Variants in USP6NL observed in about 807,000 individuals in gnomAD.
USP6NL encodes the protein USP6 N-terminal like, also known as USP6 N-terminal-like protein.
In USP6NL, 26 loss-of-function variants were observed where a neutral mutation model predicts 61.9. The ratio of observed to expected loss-of-function variants is 0.42; its 90% confidence interval spans 0.31 to 0.58. The LOEUF is 0.58. Among genes scored for constraint, USP6NL ranks in the 20% least tolerant of loss-of-function variants. The pLI, the probability that USP6NL is intolerant of heterozygous loss-of-function variation, is 0.16. For synonymous variants in USP6NL, 432 were observed against 390.1 expected (o/e 1.11, Z -1.27); for missense variants, 1,114 against 1,034.3 (o/e 1.08, Z -1.06).
chr10:11,506,024 C>T (rs1280268845), intron 6 of USP6NL, among the ~76,000 whole-genome samples: 2 of 152,196 alleles, frequency 1.3e-5, no homozygotes, highest in East Asian at 3.8e-4. Context: ...TTCTACTTCC[C>T]TGACAGACAC....
At chr10:11,538,213 T>C (rs1028146584) in intron 2 of USP6NL, among the ~76,000 whole-genome samples, 3 of 152,204 alleles carry the variant, frequency 2.0e-5, no homozygotes, top group Non-Finnish European at 4.4e-5. Flanking sequence ...AAACAAATGC[T>C]GACAAGATTT....
At chr10:11,610,619 A>C (rs1433043600) in intron 1 of USP6NL, among the ~76,000 whole-genome samples, 1 of 148,780 alleles carries the variant, frequency 6.7e-6, no homozygotes, top group Admixed American at 6.7e-5. Flanking sequence ...CGGCGTCCTC[A>C]CTTTTTTTTT....
At chr10:11,529,552 T>G (rs1179146221) in intron 2 of USP6NL, among the ~76,000 whole-genome samples, 1 of 152,222 alleles carries the variant, frequency 6.6e-6, no homozygotes, top group Non-Finnish European at 1.5e-5. Flanking sequence ...CTTTTCCCAG[T>G]TAAACTACAA....
chr10:11,501,566 A>G (rs1834196522), intron 6 of USP6NL, among the ~76,000 whole-genome samples: 1 of 152,316 alleles, frequency 6.6e-6, no homozygotes, highest in East Asian at 1.9e-4. Flanking sequence ...AACTTCTTAC[A>G]CACTTTCTGC....
chr10:11,536,841 A>G (rs1473985556), intron 2 of USP6NL, among the ~76,000 whole-genome samples: 2 of 152,114 alleles, frequency 1.3e-5, no homozygotes, highest in East Asian at 2.0e-4. Context: ...TGCTCCCCCT[A>G]TTAGCATATA....
intron 5 of USP6NL, among the ~76,000 whole-genome samples, chr10:11,512,149 C>A (rs1834746755): frequency 6.6e-6 from 1 of 152,184 alleles, no homozygotes; most frequent in Non-Finnish European, 1.5e-5. Context: ...ATAGACTCAA[C>A]CACAATAAGA....
intron 13 of USP6NL, 35 bp downstream of exon 13, chr10:11,484,936 T>G: frequency 6.8e-7 from 1 of 1,465,618 alleles, no homozygotes; most frequent in African/African-American, 1.4e-5. Flanking sequence ...GCCTCAATTT[T>G]TAATGAAATT....
At chr10:11,586,862 G>A (rs1837985016) in intron 2 of USP6NL, among the ~76,000 whole-genome samples, 2 of 152,126 alleles carry the variant, frequency 1.3e-5, no homozygotes. Context: ...ATTTCTTAAT[G>A]TCAGTCTCGA....
chr10:11,608,500 C>G (rs1476699416), intron 1 of USP6NL, among the ~76,000 whole-genome samples: 1 of 152,196 alleles, frequency 6.6e-6, no homozygotes, highest in Non-Finnish European at 1.5e-5. Context: ...ACAAGCTCTT[C>G]TCTCACCCTC....
rs1414483216 is a variant in USP6NL, at chr10:11,596,418, G to A, written c.4+1213C>T. The stretch of plus-strand genomic sequence containing the variant: ...GGGCGGATCACAAGGTCAGGAGATC[G>A]AGACCATCCTGACTAACACGGTGAA... On this transcript the variant is annotated intron_variant, in intron 2 of 14. Transcript: ENST00000609104. The surrounding 1 kb of genome is among the most constrained non-coding windows in gnomAD (Gnocchi z 4.1). Among the ~76,000 whole-genome samples the A allele has an allele frequency of 4.0e-5, 6 of 151,850 alleles. No homozygotes were observed. Among genetic ancestry groups the A allele is most frequent in the East Asian group, 3.9e-4 (2 of 5,172 alleles).
Position 11,485,929 on chromosome 10 carries a change from AAAC to A in USP6NL, c.665-21_665-19del. The A allele has an allele frequency of 8.7e-6, 13 of 1,498,550 alleles. No individual in the cohort carries two copies. Among genetic ancestry groups the A allele is most frequent in the Non-Finnish European group, 1.2e-5 (13 of 1,110,534 alleles). The allele number at this position is 1,498,550 out of a possible 1,614,324, so 92.8% of individuals were successfully genotyped here. The stretch of plus-strand genomic sequence containing the variant: ...AAAAAAGCCTAGAATACAAACATAA[AAAC>A]AACATTTCATAAACAATACCAACAA... On this transcript the variant is annotated intron_variant, in intron 10 of 14. Transcript: ENST00000609104. The surrounding 1 kb of genome is among the most constrained non-coding windows in gnomAD (Gnocchi z 4.8).
intron 2 of USP6NL, among the ~76,000 whole-genome samples, chr10:11,543,337 C>T (rs528341511): frequency 1.3e-5 from 2 of 152,182 alleles, no homozygotes; most frequent in East Asian, 1.9e-4. Context: ...GTCAGGAGAT[C>T]GAGGTCATCC....
In USP6NL at chr10:11,499,603, A is replaced by G. The variant is rs903647564; in HGVS notation, c.384+1498T>C. Among the ~76,000 whole-genome samples the G allele has an allele frequency of 2.0e-5, 3 of 152,178 alleles. No individual in the cohort carries two copies. The highest frequency in any genetic ancestry group is 2.0e-4 in the Admixed American group (3 of 15,280). On this transcript the variant is annotated intron_variant, in intron 7 of 14. Coordinates refer to ENST00000609104, the MANE Select transcript of USP6NL (RefSeq NM_014688.5). This position sits in a 1 kb window ranked among gnomAD's most constrained non-coding sequence, Gnocchi z 4.5. The stretch of plus-strand genomic sequence containing the variant: ...ATAACTATTGTCCCTATCAGGAAAG[A>G]CAGACACACATTCACAGGAGGGAGG...
intron 14 of USP6NL, among the ~76,000 whole-genome samples, chr10:11,473,466 C>A (rs1025767882): frequency 2.0e-5 from 3 of 152,182 alleles, no homozygotes; most frequent in African/African-American, 2.4e-5. Context: ...AGGCTTCAGG[C>A]GATGCTTAAA....
Position 11,600,077 on chromosome 10 carries a change from C to A in USP6NL, c.-83-2360G>T, listed in dbSNP as rs1838468900. On this transcript the variant is annotated intron_variant, in intron 1 of 14. Transcript: ENST00000609104. The surrounding 1 kb of genome is among the most constrained non-coding windows in gnomAD (Gnocchi z 4.1). ...TCTCCTCCCCTAAATGCTACTTTTG[C>A]ACTAAACATACAGAGGTGAAAGAAG... 6.6e-6 allele frequency among the ~76,000 whole-genome samples: 1 copy of A among 152,120 alleles called. No homozygotes were observed. The highest frequency in any genetic ancestry group is 2.4e-5 in the African/African-American group (1 of 41,422).
chr10:11,572,875 T>C (rs1283319296), intron 2 of USP6NL, among the ~76,000 whole-genome samples: 1 of 152,136 alleles, frequency 6.6e-6, no homozygotes, highest in Non-Finnish European at 1.5e-5. Context: ...ATTATCATTT[T>C]AGAATTGTAC....
At position 11,506,734 on chromosome 10, in the gene USP6NL, ATTT is replaced by A. The variant is rs61090708; in HGVS notation, c.276+2858_276+2860del. ...AGGCAACACAAACAACCTTAACAGAATTTTTTTTTTTTTTTCATTAAAGCTTGG... is the reference window on the plus strand; with the variant it reads ...AGGCAACACAAACAACCTTAACAGAATTTTTTTTTTTTCATTAAAGCTTGG... On this transcript the variant is annotated intron_variant, in intron 6 of 14. Transcript: ENST00000609104. Among the ~76,000 whole-genome samples, 184 of 146,848 alleles carry A rather than the reference ATTT, an allele frequency of 1.3e-3. 2 individuals carry two copies. The highest frequency in any genetic ancestry group is 3.7e-3 in the African/African-American group (147 of 40,164).
chr10:11,471,414 G>C (rs1486269544), intron 14 of USP6NL, among the ~76,000 whole-genome samples: 1 of 152,210 alleles, frequency 6.6e-6, no homozygotes, highest in Non-Finnish European at 1.5e-5. Flanking sequence ...GGAAGTCAGT[G>C]TGGCGATTCC....
intron 1 of USP6NL, among the ~76,000 whole-genome samples, chr10:11,601,296 T>C (rs974542050): frequency 1.3e-5 from 2 of 152,114 alleles, no homozygotes; most frequent in Non-Finnish European, 2.9e-5. Flanking sequence ...GTCCAAAATA[T>C]GTATAATTAA....
Sources: gnomAD v4.1 joint callset for allele counts (sites outside exome capture counted in the v4.1 genomes callset) on GRCh38, gnomAD v4.1.1 for gene constraint, Gnocchi (gnomAD v3.1) non-coding constraint, MANE v1.5 for transcripts, NCBI Gene and HGNC (gene_info 2026-07-23, HGNC 2026-07-21) for gene names.